The following TPRG1 variants were observed in gnomAD, a reference collection of about 807,000 sequenced individuals.
TPRG1 encodes the protein tumor protein p63-regulated gene 1 protein.
A neutral mutation model predicts 29.3 loss-of-function variants in TPRG1; 29 were observed. That is an observed-to-expected ratio of 0.99 (90% CI 0.74 to 1.35). The LOEUF is 1.35. Ranked by LOEUF, TPRG1 falls within the 40% of genes most tolerant of loss-of-function variation. The pLI is 0.00. For missense variants in TPRG1, 327 were observed against 335.0 expected, an observed-to-expected ratio of 0.98 and a Z score of 0.19; for synonymous variants, 130 against 116.8, an observed-to-expected ratio of 1.11 and a Z score of -0.73.
intron 3 of TPRG1, 106 bp from the exon 4 acceptor site, chr3:189,238,627 G>A (rs1578978269): frequency 1.1e-6 from 1 of 936,014 alleles, no homozygotes; most frequent in Non-Finnish European, 1.6e-6. Context: ...TCTCTCTTCT[G>A]AGTTGATCAA....
intron 4 of TPRG1, among the ~76,000 whole-genome samples, chr3:189,084,159 A>T (rs958100979): frequency 1.3e-5 from 2 of 152,082 alleles, no homozygotes; most frequent in African/African-American, 2.4e-5. Context: ...TCCAAAAAAA[A>T]AAGAAAAGAA....
At chr3:189,026,410 A>G (rs1055353979) in intron 4 of TPRG1, among the ~76,000 whole-genome samples, 10 of 152,142 alleles carry the variant, frequency 6.6e-5, no homozygotes, top group African/African-American at 2.2e-4. Context: ...ATACTGTCAC[A>G]TTGGGGGTTG....
chr3:189,091,371 C>T (rs990142888), intron 4 of TPRG1, among the ~76,000 whole-genome samples: 6 of 151,968 alleles, frequency 3.9e-5, no homozygotes, highest in African/African-American at 2.4e-5. Flanking sequence ...TTTGATGAAT[C>T]GTGACAAATA....
chr3:189,196,780 G>C (rs1443921740), intron 1 of TPRG1, among the ~76,000 whole-genome samples: 1 of 152,112 alleles, frequency 6.6e-6, no homozygotes, highest in East Asian at 1.9e-4. Context: ...GATTTTCTGA[G>C]TGCATGTCAT....
intron 3 of TPRG1, among the ~76,000 whole-genome samples, chr3:189,226,797 C>CAAAAAAAAAAAAAAA (rs1175619202): frequency 1.2e-5 from 1 of 81,758 alleles, no homozygotes; most frequent in Non-Finnish European, 2.6e-5. Context: ...GCAAGGCTGA[C>CAAAAAAAAAAAAAAA]AAAAAAAAAA....
intron 4 of TPRG1, among the ~76,000 whole-genome samples, chr3:189,055,070 T>C (rs1715575832): frequency 6.6e-6 from 1 of 152,230 alleles, no homozygotes; most frequent in South Asian, 2.1e-4. Flanking sequence ...AATAAAATGC[T>C]ACCTAGTATT....
At chr3:189,288,896 C>T (rs1294983347) in intron 4 of TPRG1, among the ~76,000 whole-genome samples, 1 of 152,230 alleles carries the variant, frequency 6.6e-6, no homozygotes, top group African/African-American at 2.4e-5. Flanking sequence ...AAGATTCCAG[C>T]TTGTTATGAG....
intron 4 of TPRG1, among the ~76,000 whole-genome samples, chr3:189,066,783 C>T (rs1367576748): frequency 6.6e-6 from 1 of 151,994 alleles, no homozygotes; most frequent in Non-Finnish European, 1.5e-5. Flanking sequence ...CCCCTTTCCC[C>T]AGTTATTCAA....
At chr3:189,198,458 G>C (rs1732923425) in intron 1 of TPRG1, among the ~76,000 whole-genome samples, 1 of 152,206 alleles carries the variant, frequency 6.6e-6, no homozygotes, top group South Asian at 2.1e-4. Flanking sequence ...TCCTATGTGT[G>C]TCTGTGAGAG....
chr3:189,050,509 C>T (rs1715248464), intron 4 of TPRG1, among the ~76,000 whole-genome samples: 2 of 151,926 alleles, frequency 1.3e-5, no homozygotes, highest in South Asian at 2.1e-4. Context: ...CAGACATTCA[C>T]AGAATTGGTA....
chr3:189,082,404 A>G (rs1056351965), intron 4 of TPRG1, among the ~76,000 whole-genome samples: 2 of 152,156 alleles, frequency 1.3e-5, no homozygotes, highest in African/African-American at 4.8e-5. Context: ...GTTTTTCTTT[A>G]CTATGCTTTA....
intron 4 of TPRG1, among the ~76,000 whole-genome samples, chr3:189,072,395 TATTG>T (rs1385728549): frequency 2.6e-5 from 4 of 152,220 alleles, no homozygotes; most frequent in Non-Finnish European, 5.9e-5. Flanking sequence ...TTTTTTATAT[TATTG>T]ATAATTTTGA....
intron 3 of TPRG1, among the ~76,000 whole-genome samples, chr3:189,009,499 A>G (rs1184699633): frequency 1.3e-5 from 2 of 152,134 alleles, no homozygotes; most frequent in East Asian, 3.9e-4. Flanking sequence ...TAAAAATTCT[A>G]CTCAGTGAAA....
At chr3:189,230,014 C>T (rs1278616824) in intron 3 of TPRG1, among the ~76,000 whole-genome samples, 1 of 152,146 alleles carries the variant, frequency 6.6e-6, no homozygotes, top group African/African-American at 2.4e-5. Flanking sequence ...GTTCTCCTGC[C>T]AGCTTCCTTG....
At chr3:189,066,670 T>G (rs2152147748) in intron 4 of TPRG1, among the ~76,000 whole-genome samples, 1 of 149,610 alleles carries the variant, frequency 6.7e-6, no homozygotes, top group Middle Eastern at 3.6e-3. Context: ...GAAACATGCC[T>G]CAATACAATA....
chr3:189,165,198 A>G (rs1043653212), intron 5 of TPRG1, among the ~76,000 whole-genome samples: 2 of 152,072 alleles, frequency 1.3e-5, no homozygotes, highest in Non-Finnish European at 2.9e-5. Flanking sequence ...TGTAAAAATG[A>G]AAGAATCGTG....
intron 1 of TPRG1, among the ~76,000 whole-genome samples, chr3:189,113,845 C>T (rs1204705571): frequency 6.6e-6 from 1 of 151,664 alleles, no homozygotes; most frequent in African/African-American, 2.4e-5. Flanking sequence ...GTGCAGCACA[C>T]CAGCATGGCA....
At chr3:189,106,237 A>G (rs970404517) in intron 1 of TPRG1, among the ~76,000 whole-genome samples, 1 of 152,170 alleles carries the variant, frequency 6.6e-6, no homozygotes, top group Non-Finnish European at 1.5e-5. Context: ...CTGGCCTTCT[A>G]GTACCTTGAA....
At chr3:189,176,147 G>T (rs1430117720) in intron 1 of TPRG1, among the ~76,000 whole-genome samples, 1 of 152,132 alleles carries the variant, frequency 6.6e-6, no homozygotes, top group Non-Finnish European at 1.5e-5. Flanking sequence ...AAACCCCAAG[G>T]TATTTTATAA....
Sources: allele counts gnomAD v4.1 joint callset (sites outside exome capture counted in the v4.1 genomes callset), GRCh38; gene constraint gnomAD v4.1.1; transcripts MANE v1.5; gene names NCBI Gene and HGNC (gene_info 2026-07-23, HGNC 2026-07-21).